The following TPO variants were observed in gnomAD, a reference collection of about 807,000 sequenced individuals.
The protein encoded by TPO is thyroid peroxidase, also known as thyroid microsomal antigen.
In TPO, 78 loss-of-function variants were observed where a neutral mutation model predicts 96.9. That is an observed-to-expected ratio of 0.81 (90% confidence interval 0.67 to 0.97). TPO has a LOEUF of 0.97. Ranked by LOEUF, TPO falls within the 50% of genes least tolerant of loss-of-function variation. The pLI is 0.00. For missense variants in TPO, 1,252 were observed against 1,274.8 expected, an observed-to-expected ratio of 0.98 and a Z score of 0.27; for synonymous variants, 547 against 538.0, an observed-to-expected ratio of 1.02 and a Z score of -0.23.
At chr2:1,461,796 G>A (rs1290711949) in intron 7 of TPO, among the ~76,000 whole-genome samples, 6 of 152,110 alleles carry the variant, frequency 3.9e-5, no homozygotes, top group Non-Finnish European at 7.4e-5. Flanking sequence ...GCACACAGCT[G>A]CTCCAGGATC....
intron 3 of TPO, among the ~76,000 whole-genome samples, chr2:1,433,181 T>C (rs1665199258): frequency 6.6e-6 from 1 of 152,142 alleles, no homozygotes; most frequent in Non-Finnish European, 1.5e-5. Flanking sequence ...ATTTGGCAGT[T>C]TTGTAAAGGG....
chr2:1,382,570 C>T (rs1229620692), intron 1 of TPO, among the ~76,000 whole-genome samples: 1 of 152,062 alleles, frequency 6.6e-6, no homozygotes, highest in African/African-American at 2.4e-5. Flanking sequence ...CCACAGTTAC[C>T]AAAACTGGTG....
At chr2:1,412,467 T>A (rs769041593), upstream of TPO, among the ~76,000 whole-genome samples, 6 of 152,166 alleles carry the variant, frequency 3.9e-5, no homozygotes, top group Non-Finnish European at 7.3e-5. Context: ...TCTTCAGAGC[T>A]TGTCTAACTC....
chr2:1,390,238 A>G (rs1265085992), intron 1 of TPO, among the ~76,000 whole-genome samples: 1 of 151,486 alleles, frequency 6.6e-6, no homozygotes, highest in Admixed American at 6.6e-5. Flanking sequence ...CTCATTGTTC[A>G]TTTCCTACCT....
intron 7 of TPO, among the ~76,000 whole-genome samples, chr2:1,475,430 T>G (rs2148664911): frequency 6.6e-6 from 1 of 151,990 alleles, no homozygotes; most frequent in South Asian, 2.1e-4. Context: ...TTTTTTCTTT[T>G]TTCTTTTTTT....
At chr2:1,376,048 C>G (rs1661717597) in intron 1 of TPO, among the ~76,000 whole-genome samples, 1 of 152,222 alleles carries the variant, frequency 6.6e-6, no homozygotes, top group Non-Finnish European at 1.5e-5. Flanking sequence ...ATGGGACACC[C>G]AGCACGTGCA....
intron 1 of TPO, among the ~76,000 whole-genome samples, chr2:1,382,997 T>G (rs1234474201): frequency 6.6e-6 from 1 of 151,620 alleles, no homozygotes; most frequent in Non-Finnish European, 1.5e-5. Context: ...GTCCTTGTGA[T>G]AGTTTGCTGA....
At chr2:1,454,888 A>C (rs557164001) in intron 6 of TPO, among the ~76,000 whole-genome samples, 8 of 152,328 alleles carry the variant, frequency 5.3e-5, no homozygotes, top group Admixed American at 3.3e-4. Flanking sequence ...AGCTGTGACA[A>C]ATTGCTCCAA....
At chr2:1,467,748 T>A (rs2148640985) in intron 7 of TPO, among the ~76,000 whole-genome samples, 1 of 151,984 alleles carries the variant, frequency 6.6e-6, no homozygotes, top group Non-Finnish European at 1.5e-5. Context: ...TTTGTTGACT[T>A]TCTGTCTTGA....
At chr2:1,541,301 A>G (rs1233544116) in intron 16 of TPO, 3 of 611,370 alleles carry the variant, frequency 4.9e-6, no homozygotes, top group Admixed American at 1.0e-4. Flanking sequence ...GGTCTGCTGC[A>G]CGGCATGGGG....
intron 9 of TPO, among the ~76,000 whole-genome samples, chr2:1,487,559 C>T (rs1478656262): frequency 6.6e-6 from 1 of 152,132 alleles, no homozygotes; most frequent in African/African-American, 2.4e-5. Context: ...ACGGTGAAAC[C>T]CCATCTCTAC....
At chr2:1,512,106 C>T (rs908956342) in intron 14 of TPO, among the ~76,000 whole-genome samples, 12 of 152,030 alleles carry the variant, frequency 7.9e-5, no homozygotes, top group Non-Finnish European at 1.3e-4. Context: ...CGATCTCAGC[C>T]CACTGCAAGC....
chr2:1,496,906 G>A, intron 13 of TPO, 141 bp downstream of exon 13: 2 of 1,300,712 alleles, frequency 1.5e-6, no homozygotes, highest in Non-Finnish European at 2.1e-6. Context: ...GGGATAGAAA[G>A]CAAGGGCTCT....
intron 15 of TPO, among the ~76,000 whole-genome samples, chr2:1,533,044 CCACT>C (rs1678687392): frequency 1.6e-5 from 2 of 125,510 alleles, no homozygotes; most frequent in East Asian, 2.5e-4. Context: ...AAAAATCCCC[CCACT>C]GTGTGCAACC....
intron 7 of TPO, among the ~76,000 whole-genome samples, chr2:1,474,183 T>C (rs1310609755): frequency 6.6e-6 from 1 of 152,246 alleles, no homozygotes; most frequent in Non-Finnish European, 1.5e-5. Context: ...TATTTCTATT[T>C]AACCAGGAAT....
chr2:1,497,991 CA>C (rs543921082), intron 13 of TPO, among the ~76,000 whole-genome samples: 997 of 87,256 alleles, frequency 0.011, 17 homozygotes, highest in African/African-American at 0.04. Flanking sequence ...CCCCATCTAC[CA>C]AAAAAAAAAA....
intron 15 of TPO, among the ~76,000 whole-genome samples, chr2:1,528,286 CAA>C (rs1285743662): frequency 3.1e-4 from 36 of 118,002 alleles, no homozygotes; most frequent in Non-Finnish European, 1.5e-4. Context: ...CCACAGTGAG[CAA>C]AAACACAAAT....
At chr2:1,460,269 G>T (rs988954964) in intron 7 of TPO, among the ~76,000 whole-genome samples, 1 of 152,110 alleles carries the variant, frequency 6.6e-6, no homozygotes, top group Non-Finnish European at 1.5e-5. Context: ...GGACCCCAAA[G>T]TTCTCATCTG....
chr2:1,446,805 A>T (rs953433379), intron 5 of TPO, among the ~76,000 whole-genome samples: 3 of 152,158 alleles, frequency 2.0e-5, no homozygotes, highest in African/African-American at 7.2e-5. Flanking sequence ...TTTATCAATT[A>T]CTTATTTCAT....
Sources: allele counts gnomAD v4.1 joint callset (sites outside exome capture counted in the v4.1 genomes callset), GRCh38; gene constraint gnomAD v4.1.1; transcripts MANE v1.5; gene names NCBI Gene and HGNC (gene_info 2026-07-23, HGNC 2026-07-21).